The following VIT variants were observed in gnomAD, a reference collection of about 807,000 sequenced individuals.
VIT encodes the protein vitrin.
In VIT, 99 loss-of-function variants were observed where a neutral mutation model predicts 78.0. The observed-to-expected ratio is 1.27, with a 90% confidence interval of 1.08 to 1.50. VIT has a LOEUF of 1.50. Ranked by LOEUF, VIT falls within the 40% of genes most tolerant of loss-of-function variation. The pLI is 0.00. For synonymous variants in VIT, 374 were observed against 334.3 expected (o/e 1.12, Z -1.29); for missense variants, 1,126 against 875.3 (o/e 1.29, Z -3.61).
intron 9 of VIT, among the ~76,000 whole-genome samples, chr2:36,780,866 G>C (rs892745178): frequency 1.3e-5 from 2 of 152,040 alleles, no homozygotes; most frequent in African/African-American, 2.4e-5. Flanking sequence ...AGGAGGGAGA[G>C]GGGCAGAAAG....
chr2:36,792,269 T>G (rs1369771200), intron 12 of VIT, among the ~76,000 whole-genome samples: 1 of 152,018 alleles, frequency 6.6e-6, no homozygotes, highest in African/African-American at 2.4e-5. Flanking sequence ...ATGCCACTTC[T>G]CTCCTCTCTG....
Position 36,699,584 on chromosome 2 carries a change from T to TTATATATATAGA in VIT, c.-19+2615_-19+2616insTATATAGATATA, listed in dbSNP as rs60414565. ...TTCTTCAGAAGATGATTAGAGGAGA[T>TTATATATATAGA]TATAGATATAGATATAGATATAGAT... is the stretch of plus-strand genomic sequence containing the variant. On this transcript the variant is annotated intron_variant, in intron 1 of 15. Coordinates refer to ENST00000379242, the MANE Select transcript of VIT (RefSeq NM_053276.4). Among the ~76,000 whole-genome samples, 698 of 83,616 alleles carry TTATATATATAGA rather than the reference T, an allele frequency of 8.3e-3. 9 individuals are homozygous for TTATATATATAGA. Among genetic ancestry groups the TTATATATATAGA allele is most frequent in the South Asian group, 0.023 (53 of 2,268 alleles). 54.9% of individuals were successfully genotyped at this position (83,616 alleles called of 152,430 possible). A position where few individuals can be genotyped will look rare whatever the true frequency, so the allele number is the denominator to read the frequency against.
chr2:36,758,079 G>A (rs1487772120), intron 5 of VIT, among the ~76,000 whole-genome samples: 1 of 152,146 alleles, frequency 6.6e-6, no homozygotes, highest in Non-Finnish European at 1.5e-5. Flanking sequence ...CCCTCCAGAT[G>A]GGAGAAGAAA....
intron 1 of VIT, among the ~76,000 whole-genome samples, chr2:36,704,542 G>A (rs575022763): frequency 6.6e-6 from 1 of 152,284 alleles, no homozygotes; most frequent in South Asian, 2.1e-4. Context: ...TTGTTCCCAG[G>A]AAGGCCTCTG....
rs576154767 is a variant in VIT at position 36,744,892 on chromosome 2, G to T, written c.275+1636G>T. On this transcript the variant is annotated intron_variant, in intron 4 of 15. Transcript: ENST00000379242. ...GACTTAGACATAAATTCTTTGCCAA[G>T]ACCAATGTCGAGAAGGGTATTTCCT... Among the ~76,000 whole-genome samples, 5 of 152,180 alleles carry T rather than the reference G, an allele frequency of 3.3e-5. No individual in the cohort carries two copies. In the East Asian group the frequency reaches 9.6e-4, roughly 29 times the overall value.
intron 3 of VIT, among the ~76,000 whole-genome samples, chr2:36,734,027 A>G (rs1398559857): frequency 6.6e-6 from 1 of 152,220 alleles, no homozygotes; most frequent in Admixed American, 6.5e-5. Context: ...AGTGGTTCTC[A>G]ATGTGTGGCT....
rs1667425083 is a variant in VIT at position 36,814,487 on chromosome 2, G to C, written c.*126G>C. 2.6e-6 allele frequency: 3 copies of C among 1,161,716 alleles called. No homozygotes were observed. The highest frequency in any genetic ancestry group is 1.5e-5 in the African/African-American group (1 of 64,758). The allele number at this position is 1,161,716 out of a possible 1,614,324, so 72.0% of individuals were successfully genotyped here. A position where few individuals can be genotyped will look rare whatever the true frequency, so the allele number is the denominator to read the frequency against. ...CAGGGCATGGAGAAACAAATGTCTT[G>C]TTATTATTCTTTGCCATCATGCTTT... On this transcript the variant is annotated 3_prime_UTR_variant, in exon 16 of 16. Transcript: ENST00000379242.
chr2:36,753,101 C>T (rs1483105337), intron 4 of VIT, among the ~76,000 whole-genome samples: 2 of 151,738 alleles, frequency 1.3e-5, no homozygotes, highest in African/African-American at 4.9e-5. Flanking sequence ...CAAACTAACA[C>T]AAGAACAGAA....
At chr2:36,797,731 C>G (rs758508523) in intron 12 of VIT, among the ~76,000 whole-genome samples, 3 of 152,142 alleles carry the variant, frequency 2.0e-5, no homozygotes, top group Non-Finnish European at 4.4e-5. Context: ...TGAAATCTCC[C>G]AGGGATGTGC....
chr2:36,704,020 T>C (rs28420099), intron 1 of VIT, among the ~76,000 whole-genome samples: 1 of 150,366 alleles, frequency 6.7e-6, no homozygotes, highest in Non-Finnish European at 1.5e-5. Context: ...TGCCTTCCGG[T>C]GTTTGACTGA....
intron 15 of VIT, among the ~76,000 whole-genome samples, chr2:36,811,920 C>G (rs1386020496): frequency 6.6e-6 from 1 of 152,148 alleles, no homozygotes; most frequent in Non-Finnish European, 1.5e-5. Flanking sequence ...AGGTGATCCA[C>G]CCACCTCAGC....
chr2:36,765,747 G>C (rs952219689), intron 6 of VIT, among the ~76,000 whole-genome samples: 15 of 152,276 alleles, frequency 9.9e-5, no homozygotes, highest in Non-Finnish European at 1.6e-4. Context: ...GAAGAGGCAA[G>C]ACACAGAGTC....
At position 36,787,266 on chromosome 2, in the gene VIT, G is replaced by A. The variant is rs1171070543; in HGVS notation, c.1048G>A (p.Val350Ile). The A allele has an allele frequency of 6.2e-7, 1 of 1,613,962 alleles. No homozygotes were observed. The highest frequency in any genetic ancestry group is 8.5e-7 in the Non-Finnish European group (1 of 1,179,980). ...CCCTGCCGGTCCACTGATGGGTGTT[G>A]TCCAGTATGGGTAAGTGCAGTTAAT... ...IGPAGPLMGV[V>I]QYGDNPATHF... Residue 350 changes from valine (V) to isoleucine (I), a missense_variant, in exon 12 of 16, where the codon GTC becomes ATC. Physicochemically the swap from Val to Ile is conservative, Grantham distance 29. Coordinates refer to ENST00000379242, the MANE Select transcript of VIT (RefSeq NM_053276.4).
At chr2:36,751,467 G>A (rs1019898302) in intron 4 of VIT, among the ~76,000 whole-genome samples, 7 of 152,134 alleles carry the variant, frequency 4.6e-5, no homozygotes, top group Non-Finnish European at 1.0e-4. Context: ...CTTCCAGCCC[G>A]GAGCCCAGGT....
intron 15 of VIT, among the ~76,000 whole-genome samples, chr2:36,810,897 G>T (rs1257442947): frequency 1.3e-5 from 2 of 152,134 alleles, no homozygotes; most frequent in African/African-American, 4.8e-5. Flanking sequence ...GCTTCCCAAA[G>T]TGCTGGGATC....
At chr2:36,757,380 G>A (rs2148557286) in intron 5 of VIT, among the ~76,000 whole-genome samples, 1 of 152,244 alleles carries the variant, frequency 6.6e-6, no homozygotes, top group Middle Eastern at 3.4e-3. Flanking sequence ...GTCAGTGAGG[G>A]ACCCCCTAAT....
intron 5 of VIT, among the ~76,000 whole-genome samples, chr2:36,755,460 A>C (rs1322175879): frequency 1.3e-5 from 2 of 152,216 alleles, no homozygotes; most frequent in African/African-American, 2.4e-5. Flanking sequence ...ATTGTGTCAT[A>C]CACAATGGCC....
At chr2:36,777,224 T>C (rs1235194311) in intron 9 of VIT, among the ~76,000 whole-genome samples, 2 of 151,298 alleles carry the variant, frequency 1.3e-5, no homozygotes, top group Non-Finnish European at 2.9e-5. Flanking sequence ...TTAATAGATA[T>C]AACTCGTACA....
At chr2:36,802,310 T>C (rs986983476) in intron 13 of VIT, among the ~76,000 whole-genome samples, 5 of 152,200 alleles carry the variant, frequency 3.3e-5, no homozygotes, top group African/African-American at 9.7e-5. Context: ...TTTTGGGCAC[T>C]GGAGGGAGAC....
Sources: gnomAD v4.1 joint callset for allele counts (sites outside exome capture counted in the v4.1 genomes callset) on GRCh38, gnomAD v4.1.1 for gene constraint, MANE v1.5 for transcripts, NCBI Gene and HGNC (gene_info 2026-07-23, HGNC 2026-07-21) for gene names.